Variants in CYP2J2 observed in about 807,000 individuals in gnomAD.
CYP2J2 encodes cytochrome P450 2J2.
In CYP2J2, 41 loss-of-function variants were observed where a neutral mutation model predicts 48.8. The ratio of observed to expected loss-of-function variants is 0.84; its 90% CI spans 0.66 to 1.09. CYP2J2 has a LOEUF of 1.09. CYP2J2 is among the 50% of genes least tolerant of loss of function. The probability of loss-of-function intolerance (pLI) is 0.00; values close to 1 mark genes in which losing one functional copy is unlikely to be tolerated. For missense variants in CYP2J2, 644 were observed against 617.3 expected (o/e 1.04, Z -0.46); for synonymous variants, 221 against 227.1 (o/e 0.97, Z 0.24).
the CYP2J2 span, among the ~76,000 whole-genome samples, chr1:59,962,229 A>C: frequency 6.6e-6 from 1 of 152,214 alleles, no homozygotes; most frequent in Non-Finnish European, 1.5e-5. Flanking sequence ...CTGCCTAGGA[A>C]GTTACTGAAG....
the CYP2J2 span, among the ~76,000 whole-genome samples, chr1:59,964,680 A>T: frequency 1.3e-5 from 2 of 152,240 alleles, no homozygotes; most frequent in Non-Finnish European, 2.9e-5. Context: ...TCCATATGAT[A>T]AGCTTGCATT....
chr1:59,919,125 G>A (rs1255235615), intron 1 of CYP2J2, among the ~76,000 whole-genome samples: 2 of 152,166 alleles, frequency 1.3e-5, no homozygotes, highest in African/African-American at 2.4e-5. Context: ...CCTGAGCTGT[G>A]CCTCTGTGAG....
upstream of CYP2J2, among the ~76,000 whole-genome samples, chr1:59,928,450 C>A (rs534013130): frequency 1.3e-4 from 20 of 152,106 alleles, no homozygotes; most frequent in Non-Finnish European, 2.5e-4. Context: ...TCTCCTAGTC[C>A]CCAGATCAAC....
At position 59,907,819 on chromosome 1, in the gene CYP2J2, G is replaced by A; in HGVS notation, c.970C>T (p.Leu324=). The part of the protein sequence containing the change: ...ETTSTTLRWA[L]LYMALYPEIQ... ...TCTGGGTAGAGGGCCATATAAAGCA[G>A]AGCCCATCGCAGAGTTGTGGAAGTT... The change falls in exon 6 of 9, where the codon CTG becomes TTG. Residue 324 remains leucine, a synonymous_variant. Transcript: ENST00000371204. 6.2e-7 allele frequency: 1 copy of A among 1,614,088 alleles called. No homozygotes were observed.
the CYP2J2 span, among the ~76,000 whole-genome samples, chr1:59,963,013 G>T: frequency 1.3e-5 from 2 of 152,052 alleles, no homozygotes; most frequent in Non-Finnish European, 2.9e-5. Context: ...AAAGTATTAT[G>T]TATTATAAAA....
chr1:59,906,059 G>A (rs909494240), intron 6 of CYP2J2, among the ~76,000 whole-genome samples: 10 of 152,110 alleles, frequency 6.6e-5, no homozygotes, highest in Admixed American at 1.3e-4. Flanking sequence ...GGTGGCGGGC[G>A]CCTGTAGTCC....
chr1:59,952,153 C>G, the CYP2J2 span, among the ~76,000 whole-genome samples: 6 of 152,086 alleles, frequency 3.9e-5, no homozygotes, highest in African/African-American at 1.2e-4. Flanking sequence ...CTGGGGGCTG[C>G]CTTTGTGCTA....
chr1:59,920,876 T>TA (rs1490633664), intron 1 of CYP2J2, among the ~76,000 whole-genome samples: 2 of 152,172 alleles, frequency 1.3e-5, no homozygotes, highest in Admixed American at 6.5e-5. Context: ...TTGTGATAAG[T>TA]AATCATAATA....
At position 59,924,810 on chromosome 1, in the gene CYP2J2, C is replaced by CA. The variant is rs1380347385; in HGVS notation, c.210+1726dup. Among the ~76,000 whole-genome samples the CA allele has an allele frequency of 3.3e-5, 5 of 151,518 alleles. No homozygotes were observed. In the South Asian group the frequency reaches 8.3e-4, roughly 25 times the overall value. On this transcript the variant is annotated intron_variant, in intron 1 of 8. Coordinates refer to ENST00000371204, the MANE Select transcript of CYP2J2 (RefSeq NM_000775.4). Reference sequence around the variant, plus strand: ...AAATGGTAGACAAATCTTAATATGTCAATAATTACATTAAATATAAATAGT... The same window carrying CA: ...AAATGGTAGACAAATCTTAATATGTCAAATAATTACATTAAATATAAATAGT...
At chr1:59,926,397 T>A in intron 1 of CYP2J2, 140 bp downstream of exon 1, 2 of 663,586 alleles carry the variant, frequency 3.0e-6, no homozygotes, top group East Asian at 5.4e-5. Flanking sequence ...AAACTCAAAG[T>A]GGGTTTTACC....
the CYP2J2 span, among the ~76,000 whole-genome samples, chr1:59,967,515 G>A: frequency 6.6e-6 from 1 of 152,186 alleles, no homozygotes; most frequent in Non-Finnish European, 1.5e-5. Context: ...CAGACTGCTG[G>A]GGCCTCTGCT....
chr1:59,935,021 T>TATATAC, the CYP2J2 span, among the ~76,000 whole-genome samples: 71 of 48,136 alleles, frequency 1.5e-3, 2 homozygotes, highest in Non-Finnish European at 1.9e-3. Context: ...TATACATATA[T>TATATAC]ATATATATAT....
the CYP2J2 span, among the ~76,000 whole-genome samples, chr1:59,953,619 A>G: frequency 6.6e-6 from 1 of 151,906 alleles, no homozygotes; most frequent in South Asian, 2.1e-4. Flanking sequence ...ATATGTCATA[A>G]AGAGCCTCTG....
At chr1:59,933,724 A>G in the CYP2J2 span, among the ~76,000 whole-genome samples, 6 of 152,192 alleles carry the variant, frequency 3.9e-5, no homozygotes, top group African/African-American at 1.4e-4. Context: ...ATCGCTAAAA[A>G]AAATTAAAAG....
At chr1:59,950,370 C>A in the CYP2J2 span, among the ~76,000 whole-genome samples, 1 of 152,178 alleles carries the variant, frequency 6.6e-6, no homozygotes, top group Non-Finnish European at 1.5e-5. Flanking sequence ...CTTCCCAGAG[C>A]TCTTCATATT....
At chr1:59,949,853 C>T in the CYP2J2 span, among the ~76,000 whole-genome samples, 2 of 151,932 alleles carry the variant, frequency 1.3e-5, no homozygotes, top group Non-Finnish European at 2.9e-5. Context: ...CTGCTCCACC[C>T]TCTCAGTACC....
upstream of CYP2J2, among the ~76,000 whole-genome samples, chr1:59,927,470 G>A (rs1644577241): frequency 6.6e-6 from 1 of 152,194 alleles, no homozygotes; most frequent in African/African-American, 2.4e-5. Flanking sequence ...CATCTGGTGA[G>A]TGCCTGCTTG....
chr1:59,934,649 T>C, the CYP2J2 span, among the ~76,000 whole-genome samples: 1 of 151,984 alleles, frequency 6.6e-6, no homozygotes, highest in Non-Finnish European at 1.5e-5. Context: ...ATCACACTCA[T>C]GATGAGGTAT....
At chr1:59,935,027 T>C in the CYP2J2 span, among the ~76,000 whole-genome samples, 1,395 of 100,112 alleles carry the variant, frequency 0.014, 45 homozygotes, top group Non-Finnish European at 0.02. Context: ...TATATATATA[T>C]ATATATATAT....
Sources: allele counts gnomAD v4.1 joint callset (sites outside exome capture counted in the v4.1 genomes callset), GRCh38; gene constraint gnomAD v4.1.1; transcripts MANE v1.5; gene names NCBI Gene and HGNC (gene_info 2026-07-23, HGNC 2026-07-21).